Variants in FRMD4A observed in about 807,000 individuals in gnomAD.
The protein encoded by FRMD4A is FERM domain-containing protein 4A.
FRMD4A carries 29 observed loss-of-function variants against 129.1 expected under a neutral mutation model. The ratio of observed to expected loss-of-function variants is 0.22; its 90% CI spans 0.17 to 0.31. FRMD4A has a LOEUF of 0.31. FRMD4A is among the 10% of genes least tolerant of loss of function. FRMD4A has a pLI of 1.00. For missense variants in FRMD4A, 1,272 were observed against 1,375.8 expected, an observed-to-expected ratio of 0.92 and a Z score of 1.19; for synonymous variants, 634 against 571.6, an observed-to-expected ratio of 1.11 and a Z score of -1.56.
At chr10:13,954,685 T>C (rs981303414) in intron 2 of FRMD4A, among the ~76,000 whole-genome samples, 4 of 152,158 alleles carry the variant, frequency 2.6e-5, no homozygotes, top group African/African-American at 9.7e-5. Context: ...ATGGCAGCAG[T>C]GCCCTATGCT....
chr10:14,258,369 A>G (rs1844688264), intron 2 of FRMD4A, among the ~76,000 whole-genome samples: 1 of 151,910 alleles, frequency 6.6e-6, no homozygotes, highest in Non-Finnish European at 1.5e-5. Context: ...CAAACAACCC[A>G]AACAAAAAAA....
chr10:14,260,816 A>G (rs578027633), intron 2 of FRMD4A, among the ~76,000 whole-genome samples: 1 of 152,366 alleles, frequency 6.6e-6, no homozygotes, highest in South Asian at 2.1e-4. Context: ...AAACATGAAT[A>G]TGGGTAAAAA....
At chr10:14,293,511 G>A (rs10906646) in intron 2 of FRMD4A, among the ~76,000 whole-genome samples, 46,861 of 151,982 alleles carry the variant, frequency 0.31, 7,648 homozygotes, top group Middle Eastern at 0.37. Context: ...GAACAAAAAT[G>A]TTGTACTTCA....
At chr10:14,112,158 G>A (rs893529658) in intron 2 of FRMD4A, among the ~76,000 whole-genome samples, 1 of 152,182 alleles carries the variant, frequency 6.6e-6, no homozygotes, top group Admixed American at 6.5e-5. Flanking sequence ...AGGAAGGGTA[G>A]AAACACAGAA....
intron 3 of FRMD4A, among the ~76,000 whole-genome samples, chr10:13,814,272 A>C (rs915899822): frequency 2.0e-5 from 3 of 152,096 alleles, no homozygotes; most frequent in Non-Finnish European, 2.9e-5. Flanking sequence ...AAAACAATAA[A>C]AATAAGATTT....
Position 13,789,629 on chromosome 10 carries a change from A to AT in FRMD4A, c.300-6624dup, listed in dbSNP as rs200890521. ...CTTGGGTTGTGTATATTTTCCTTAT[A>AT]TTTTTTTCTTGACCTATTTCTAAAG... On this transcript the variant is annotated intron_variant, in intron 5 of 24. Transcript: ENST00000357447. 2.0e-5 allele frequency among the ~76,000 whole-genome samples: 3 copies of AT among 150,558 alleles called. No individual in the cohort carries two copies. In the East Asian group the frequency reaches 5.9e-4, roughly 30 times the overall value.
At chr10:13,877,882 C>T (rs984432908) in intron 2 of FRMD4A, among the ~76,000 whole-genome samples, 1 of 152,246 alleles carries the variant, frequency 6.6e-6, no homozygotes, top group African/African-American at 2.4e-5. Flanking sequence ...GGGATAAGTC[C>T]TAGAGCTGCT....
At chr10:14,188,930 G>C (rs7095896) in intron 2 of FRMD4A, among the ~76,000 whole-genome samples, 46,953 of 151,924 alleles carry the variant, frequency 0.31, 7,368 homozygotes, top group East Asian at 0.36. Context: ...ACAAAATCCC[G>C]CCCAAAACAA....
chr10:13,967,378 C>T (rs1394256428), intron 2 of FRMD4A, among the ~76,000 whole-genome samples: 1 of 151,942 alleles, frequency 6.6e-6, no homozygotes, highest in Non-Finnish European at 1.5e-5. Context: ...TTTGGGGACT[C>T]GGGGAAAGGG....
chr10:13,651,977 G>A lies in FRMD4A; in HGVS notation c.3051-3C>T. On this transcript the variant is annotated splice_polypyrimidine_tract_variant and splice_region_variant and intron_variant, in intron 23 of 24. Transcript: ENST00000357447. ...TGGGTGAGTTTTCTGTTGCTTCTCT[G>A]AACAAAGGAAAGCAGGAGGAGGAAG... is the stretch of plus-strand genomic sequence containing the variant. 3 of 1,548,974 alleles carry A rather than the reference G, an allele frequency of 1.9e-6. No individual in the cohort carries two copies. Among genetic ancestry groups the A allele is most frequent in the South Asian group, 1.1e-5 (1 of 89,690 alleles).
intron 22 of FRMD4A, chr10:13,655,683 T>C (rs1232294824): frequency 6.6e-6 from 1 of 152,214 alleles, no homozygotes; most frequent in East Asian, 1.9e-4. Flanking sequence ...AACCCCCCAT[T>C]ATCTCAGGTC....
At chr10:13,950,956 T>C (rs1202131364) in intron 2 of FRMD4A, among the ~76,000 whole-genome samples, 3 of 152,056 alleles carry the variant, frequency 2.0e-5, no homozygotes, top group African/African-American at 7.2e-5. Context: ...AATACTGAGA[T>C]TCGAAGGGAG....
chr10:13,808,663 C>A (rs1405051174), intron 4 of FRMD4A, among the ~76,000 whole-genome samples: 1 of 152,234 alleles, frequency 6.6e-6, no homozygotes, highest in Non-Finnish European at 1.5e-5. Context: ...AGCTCTTCAC[C>A]TCCTCTGGGC....
At chr10:14,062,560 T>C (rs1215465264) in intron 2 of FRMD4A, among the ~76,000 whole-genome samples, 1 of 152,244 alleles carries the variant, frequency 6.6e-6, no homozygotes, top group Non-Finnish European at 1.5e-5. Flanking sequence ...ACCAACGAGC[T>C]TCAAGTATTT....
chr10:13,814,929 G>A (rs1479071052), intron 3 of FRMD4A, among the ~76,000 whole-genome samples: 1 of 152,062 alleles, frequency 6.6e-6, no homozygotes, highest in East Asian at 1.9e-4. Flanking sequence ...TTAGCCAATA[G>A]GTGTTGAATA....
intron 2 of FRMD4A, among the ~76,000 whole-genome samples, chr10:14,302,671 T>C (rs1589285279): frequency 6.6e-6 from 1 of 152,222 alleles, no homozygotes; most frequent in Non-Finnish European, 1.5e-5. Flanking sequence ...CCATTTTCTA[T>C]ACAGTCAGAG....
At chr10:13,843,686 T>C (rs904621228) in intron 3 of FRMD4A, among the ~76,000 whole-genome samples, 1 of 152,084 alleles carries the variant, frequency 6.6e-6, no homozygotes. Flanking sequence ...TTAGTAGAGA[T>C]GGGATTTCAC....
chr10:14,130,131 A>G (rs1008791274), intron 2 of FRMD4A, among the ~76,000 whole-genome samples: 6 of 152,224 alleles, frequency 3.9e-5, no homozygotes, highest in African/African-American at 1.4e-4. Context: ...GAGGGAACCC[A>G]CAGATACCTT....
chr10:13,954,720 T>C (rs1439023255), intron 2 of FRMD4A, among the ~76,000 whole-genome samples: 2 of 152,158 alleles, frequency 1.3e-5, no homozygotes, highest in Non-Finnish European at 2.9e-5. Flanking sequence ...CTGTGTGAGT[T>C]ATTGGGGTCA....
Sources: gnomAD v4.1 joint callset for allele counts (sites outside exome capture counted in the v4.1 genomes callset) on GRCh38, gnomAD v4.1.1 for gene constraint, MANE v1.5 for transcripts, NCBI Gene and HGNC (gene_info 2026-07-23, HGNC 2026-07-21) for gene names.